The following GREB1 variants were observed in gnomAD, a reference collection of about 807,000 sequenced individuals.
The protein encoded by GREB1 is growth regulating estrogen receptor binding 1.
In GREB1, 106 loss-of-function variants were observed where a neutral mutation model predicts 200.7. The observed-to-expected ratio is 0.53, with a 90% CI of 0.45 to 0.62. The LOEUF (loss-of-function observed/expected upper bound fraction) is 0.62. Among genes scored for constraint, GREB1 ranks in the 20% least tolerant of loss-of-function variants. GREB1 has a pLI of 0.00. For synonymous variants in GREB1, 1,132 were observed against 1,092.4 expected (o/e 1.04, Z -0.72); for missense variants, 2,243 against 2,556.8 (o/e 0.88, Z 2.65).
intron 29 of GREB1, 113 bp from the exon 30 acceptor site, chr2:11,635,157 A>G: frequency 7.9e-7 from 1 of 1,263,976 alleles, no homozygotes; most frequent in South Asian, 1.4e-5. Context: ...AATGAAGCCC[A>G]CTCCACCTTC....
chr2:11,639,686 G>A (rs993713773), intron 32 of GREB1, among the ~76,000 whole-genome samples: 19 of 152,230 alleles, frequency 1.2e-4, no homozygotes, highest in African/African-American at 3.6e-4. Context: ...CACTGAATGA[G>A]CACCAGCAGC....
intron 7 of GREB1, among the ~76,000 whole-genome samples, chr2:11,583,208 C>G (rs1488437388): frequency 6.6e-6 from 1 of 152,246 alleles, no homozygotes; most frequent in African/African-American, 2.4e-5. Context: ...ACATCTGCGT[C>G]TCTTCAATCC....
intron 25 of GREB1, among the ~76,000 whole-genome samples, chr2:11,628,317 G>T (rs556067410): frequency 6.6e-6 from 1 of 152,218 alleles, no homozygotes; most frequent in South Asian, 2.1e-4. Flanking sequence ...AGCCAGAGTT[G>T]GTGGGAGCTA....
intron 5 of GREB1, among the ~76,000 whole-genome samples, chr2:11,577,909 C>T (rs1320566720): frequency 6.6e-6 from 1 of 152,234 alleles, no homozygotes; most frequent in Admixed American, 6.5e-5. Flanking sequence ...AGAGGTTCCC[C>T]ACCTCACTGG....
intron 1 of GREB1, among the ~76,000 whole-genome samples, chr2:11,524,250 CA>C (rs1396456528): frequency 6.6e-6 from 1 of 152,218 alleles, no homozygotes; most frequent in Non-Finnish European, 1.5e-5. Flanking sequence ...GCTTGTTCAA[CA>C]GTCTGAAGGA....
upstream of GREB1, among the ~76,000 whole-genome samples, chr2:11,530,375 A>T (rs556040440): frequency 1.3e-5 from 2 of 151,722 alleles, no homozygotes; most frequent in African/African-American, 4.8e-5. Context: ...GGTGATTCTT[A>T]TGCACACTAA....
chr2:11,627,784 A>G (rs931984285), intron 25 of GREB1, among the ~76,000 whole-genome samples: 4 of 152,202 alleles, frequency 2.6e-5, no homozygotes, highest in African/African-American at 9.7e-5. Flanking sequence ...GCTGGATGGG[A>G]GCTGTCCTAT....
chr2:11,509,443 T>C (rs1673288846), intron 1 of GREB1, among the ~76,000 whole-genome samples: 1 of 145,330 alleles, frequency 6.9e-6, no homozygotes, highest in African/African-American at 2.6e-5. Flanking sequence ...CATCCAAAAA[T>C]GCTTTTATGT....
intron 30 of GREB1, 60 bp from the exon 31 acceptor site, chr2:11,637,656 C>T (rs1228799520): frequency 9.2e-6 from 14 of 1,526,312 alleles, no homozygotes; most frequent in Non-Finnish European, 1.8e-6. Context: ...AGCCCGGAAG[C>T]CATGGGAAGG....
Position 11,600,799 on chromosome 2 carries a change from G to C in GREB1, c.2334-1G>C, listed in dbSNP as rs1343229657. The stretch of plus-strand genomic sequence containing the variant: ...ACTGATTGTGTCTTCTCCTCCCTCA[G>C]TAGCACTGTTCATAACCTCTATTCT... On this transcript the variant is annotated splice_acceptor_variant, in intron 15 of 32. Coordinates refer to ENST00000381486, the MANE Select transcript of GREB1 (RefSeq NM_014668.4). LOFTEE classifies it high-confidence loss of function. The C allele has an allele frequency of 6.2e-7, 1 of 1,612,234 alleles. No homozygotes were observed. Among genetic ancestry groups the C allele is most frequent in the Admixed American group, 1.7e-5 (1 of 60,014 alleles).
intron 21 of GREB1, among the ~76,000 whole-genome samples, chr2:11,617,655 G>A (rs1186330918): frequency 6.6e-6 from 1 of 152,248 alleles, no homozygotes; most frequent in African/African-American, 2.4e-5. Flanking sequence ...GGGCCGAGAG[G>A]CTCAGGGGCG....
chr2:11,569,194 A>C (rs753805030), intron 4 of GREB1, among the ~76,000 whole-genome samples: 14 of 152,356 alleles, frequency 9.2e-5, no homozygotes, highest in Middle Eastern at 3.4e-3. Flanking sequence ...AAAGGAAAAC[A>C]TATTCCGCTA....
intron 4 of GREB1, among the ~76,000 whole-genome samples, chr2:11,567,786 T>C (rs1240302969): frequency 6.6e-6 from 1 of 152,158 alleles, no homozygotes; most frequent in Non-Finnish European, 1.5e-5. Flanking sequence ...GGCTCCCCCA[T>C]TGTGGAGTAA....
At chr2:11,627,431 G>T (rs1461593823) in intron 25 of GREB1, among the ~76,000 whole-genome samples, 1 of 152,216 alleles carries the variant, frequency 6.6e-6, no homozygotes, top group African/African-American at 2.4e-5. Flanking sequence ...AGGCACTGGG[G>T]CTGCAGAGCT....
chr2:11,508,156 C>T (rs79234198), intron 1 of GREB1, among the ~76,000 whole-genome samples: 32 of 152,294 alleles, frequency 2.1e-4, no homozygotes, highest in African/African-American at 6.7e-4. Flanking sequence ...TGAGCTCTTC[C>T]AGGCCCTTCA....
At chr2:11,508,905 C>T (rs1464988724) in intron 1 of GREB1, among the ~76,000 whole-genome samples, 3 of 143,024 alleles carry the variant, frequency 2.1e-5, no homozygotes, top group Non-Finnish European at 4.5e-5. Flanking sequence ...GACAGAGTCT[C>T]GCTCTGTCGC....
intron 1 of GREB1, among the ~76,000 whole-genome samples, chr2:11,505,039 C>G (rs1456544668): frequency 6.6e-6 from 1 of 152,224 alleles, no homozygotes; most frequent in African/African-American, 2.4e-5. Context: ...TCAAGTGATT[C>G]TCTTGCCTCA....
intron 16 of GREB1, among the ~76,000 whole-genome samples, chr2:11,601,951 A>G (rs1681819651): frequency 6.6e-6 from 1 of 152,230 alleles, no homozygotes; most frequent in African/African-American, 2.4e-5. Flanking sequence ...AATATTTTCA[A>G]CAAACTCCCC....
chr2:11,511,624 G>A (rs1277277665), intron 1 of GREB1, among the ~76,000 whole-genome samples: 1 of 152,136 alleles, frequency 6.6e-6, no homozygotes, highest in East Asian at 1.9e-4. Flanking sequence ...GAGGGCGTCT[G>A]CGCAGGAGAG....
Sources: allele counts gnomAD v4.1 joint callset (sites outside exome capture counted in the v4.1 genomes callset), GRCh38; gene constraint gnomAD v4.1.1; transcripts MANE v1.5; gene names NCBI Gene and HGNC (gene_info 2026-07-23, HGNC 2026-07-21).